The following DSCAM variants were observed in gnomAD, a reference collection of about 807,000 sequenced individuals.
The protein encoded by DSCAM is cell adhesion molecule DSCAM.
DSCAM carries 47 observed loss-of-function variants against 217.7 expected under a neutral mutation model. That is an observed-to-expected ratio of 0.22 (90% confidence interval 0.17 to 0.28). The LOEUF is 0.28. DSCAM is among the 10% of genes least tolerant of loss of function. The probability of loss-of-function intolerance (pLI) is 1.00; values close to 1 mark genes in which losing one functional copy is unlikely to be tolerated. For missense variants in DSCAM, 2,080 were observed against 2,618.3 expected, an observed-to-expected ratio of 0.79 and a Z score of 4.49; for synonymous variants, 1,056 against 1,015.3, an observed-to-expected ratio of 1.04 and a Z score of -0.76.
At chr21:40,398,251 G>A (rs2075200354) in intron 3 of DSCAM, among the ~76,000 whole-genome samples, 1 of 152,146 alleles carries the variant, frequency 6.6e-6, no homozygotes, top group African/African-American at 2.4e-5. Context: ...TGGTTCCTCA[G>A]TTATTCTGAG....
chr21:40,292,804 G>A lies in DSCAM; in HGVS notation c.2182+3251C>T, dbSNP rs181778140. ...GTTGCACAGGCTGGAGTGCAGTGGCGTGATCTCAGCTCACTGTAAGCTCCG... is the reference window on the plus strand; with the variant it reads ...GTTGCACAGGCTGGAGTGCAGTGGCATGATCTCAGCTCACTGTAAGCTCCG... On this transcript the variant is annotated intron_variant, in intron 10 of 32. Coordinates refer to ENST00000400454, the MANE Select transcript of DSCAM (RefSeq NM_001389.5). Among the ~76,000 whole-genome samples the A allele has an allele frequency of 1.2e-3, 175 of 151,882 alleles. 2 individuals are homozygous for A. The highest frequency in any genetic ancestry group is 3.6e-3 in the African/African-American group (150 of 41,408).
chr21:40,653,508 CAAT>C (rs1183177036), intron 3 of DSCAM, among the ~76,000 whole-genome samples: 2 of 152,056 alleles, frequency 1.3e-5, no homozygotes, highest in Non-Finnish European at 1.5e-5. Context: ...CAATCTGACT[CAAT>C]GATGGAAACT....
chr21:40,428,763 T>C (rs1322965564), intron 3 of DSCAM, among the ~76,000 whole-genome samples: 4 of 152,044 alleles, frequency 2.6e-5, no homozygotes, highest in Admixed American at 6.6e-5. Flanking sequence ...GCCCTGGGCA[T>C]AGGCATGTTG....
intron 3 of DSCAM, among the ~76,000 whole-genome samples, chr21:40,688,186 T>C (rs1351562279): frequency 1.3e-5 from 2 of 152,214 alleles, no homozygotes; most frequent in Non-Finnish European, 2.9e-5. Flanking sequence ...AGTAAAATGT[T>C]TGCTTTTTCC....
intron 3 of DSCAM, among the ~76,000 whole-genome samples, chr21:40,621,831 G>A (rs1259541539): frequency 6.9e-6 from 1 of 145,202 alleles, no homozygotes; most frequent in East Asian, 2.1e-4. Flanking sequence ...CAAAGGGATG[G>A]ATCAAGATGA....
intron 3 of DSCAM, among the ~76,000 whole-genome samples, chr21:40,498,777 GTGTGTATATATATATATATATATA>G (rs1310139930): frequency 5.1e-5 from 1 of 19,446 alleles, no homozygotes; most frequent in African/African-American, 2.5e-4. Context: ...ATATATATGG[GTGTGTATATATATATATATATATA>G]TATATATATA....
At chr21:40,719,145 C>G (rs1055725032) in intron 1 of DSCAM, among the ~76,000 whole-genome samples, 2 of 151,972 alleles carry the variant, frequency 1.3e-5, no homozygotes, top group Non-Finnish European at 2.9e-5. Context: ...CACACACACA[C>G]AAGGTGTGAA....
At chr21:40,787,301 A>T (rs541211304) in intron 1 of DSCAM, among the ~76,000 whole-genome samples, 2 of 152,324 alleles carry the variant, frequency 1.3e-5, no homozygotes, top group Admixed American at 6.5e-5. Flanking sequence ...TTGCCGAATG[A>T]TGTGTCCTAA....
In DSCAM at chr21:40,397,998, G is replaced by A. The variant is rs184245402; in HGVS notation, c.509-28753C>T. ...TTCTACCACTACTCTAAGAGCACCC[G>A]GAGCATTACTCCTTGTCAACTTACA... On this transcript the variant is annotated intron_variant, in intron 3 of 32. Transcript: ENST00000400454. Among the ~76,000 whole-genome samples the A allele has an allele frequency of 8.4e-4, 125 of 149,572 alleles. 3 individuals carry two copies. The East Asian group carries it at 0.021, about 25-fold the overall frequency.
At chr21:40,409,509 T>G (rs1009328043) in intron 3 of DSCAM, among the ~76,000 whole-genome samples, 1 of 152,176 alleles carries the variant, frequency 6.6e-6, no homozygotes, top group Non-Finnish European at 1.5e-5. Flanking sequence ...GAAAAAGTAC[T>G]AGAGGAATCC....
At position 40,354,178 on chromosome 21, in the gene DSCAM, A is replaced by G. The variant is rs1449712147; in HGVS notation, c.656-435T>C. 2.6e-5 allele frequency among the ~76,000 whole-genome samples: 4 copies of G among 152,194 alleles called. No individual in the cohort carries two copies. In the East Asian group the frequency reaches 7.7e-4, roughly 29 times the overall value. ...GAATGACTATGGTTTGCAATTATGT[A>G]TTGTATATTTCAAAATAGCTAAAAC... On this transcript the variant is annotated intron_variant, in intron 4 of 32. Coordinates refer to ENST00000400454, the MANE Select transcript of DSCAM (RefSeq NM_001389.5).
Position 40,710,987 on chromosome 21 carries a change from C to T in DSCAM, c.44-2216G>A, listed in dbSNP as rs138608869. On this transcript the variant is annotated intron_variant, in intron 1 of 32. Coordinates refer to ENST00000400454, the MANE Select transcript of DSCAM (RefSeq NM_001389.5). The stretch of plus-strand genomic sequence containing the variant: ...GTAAACAAAGGCTCCACTTTGCAGA[C>T]GGTGACATGGAGATTCACAGGGCTG... Among the ~76,000 whole-genome samples the T allele has an allele frequency of 3.5e-3, 531 of 152,320 alleles. 2 individuals are homozygous for T. The highest frequency in any genetic ancestry group is 0.012 in the African/African-American group (515 of 41,560).
At chr21:40,300,988 C>A (rs924176591) in intron 9 of DSCAM, among the ~76,000 whole-genome samples, 1 of 151,928 alleles carries the variant, frequency 6.6e-6, no homozygotes, top group Admixed American at 6.5e-5. Flanking sequence ...ATTAAAGCAA[C>A]TTTTACTGAT....
At position 40,647,733 on chromosome 21, in the gene DSCAM, T is replaced by C. The variant is rs183596102; in HGVS notation, c.508+45077A>G. ...ACCTTCAAACCTCATCAGATAATAG[T>C]AGCTAATAGCTATTTTTCATTTCAT... On this transcript the variant is annotated intron_variant, in intron 3 of 32. Coordinates refer to ENST00000400454, the MANE Select transcript of DSCAM (RefSeq NM_001389.5). Among the ~76,000 whole-genome samples the C allele has an allele frequency of 1.0e-3, 154 of 152,350 alleles. 1 individual carries two copies. Among genetic ancestry groups the C allele is most frequent in the Middle Eastern group, 3.4e-3 (1 of 294 alleles).
chr21:40,144,457 G>C lies in DSCAM; in HGVS notation c.3259+34C>G, dbSNP rs1466806151. 1 of 1,610,354 alleles carries C rather than the reference G, an allele frequency of 6.2e-7. No homozygotes were observed. The highest frequency in any genetic ancestry group is 8.5e-7 in the Non-Finnish European group (1 of 1,177,334). On this transcript the variant is annotated intron_variant, in intron 17 of 32. Coordinates refer to ENST00000400454, the MANE Select transcript of DSCAM (RefSeq NM_001389.5). This position sits in a 1 kb window ranked among gnomAD's most constrained non-coding sequence, Gnocchi z 4.8. ...CAGACCCGAGGGAACCTTTGCGGAG[G>C]GAAAAGCCACGACCAGGCCCCGGCC...
At chr21:40,363,733 T>A (rs988066759) in intron 4 of DSCAM, among the ~76,000 whole-genome samples, 1 of 151,902 alleles carries the variant, frequency 6.6e-6, no homozygotes, top group Admixed American at 6.6e-5. Flanking sequence ...ACCATCAGAG[T>A]GAACAGGCAA....
chr21:40,200,424 C>T lies in DSCAM; in HGVS notation c.2357-11186G>A, dbSNP rs563946275. Among the ~76,000 whole-genome samples the T allele has an allele frequency of 3.3e-4, 51 of 152,292 alleles. 1 individual carries two copies. Among genetic ancestry groups the T allele is most frequent in the African/African-American group, 1.2e-3 (49 of 41,566 alleles). ...AGTATTTGTCTTTTTGTATCTGGCT[C>T]ATTTTACTTAGCATAATCTCCTCAA... On this transcript the variant is annotated intron_variant, in intron 11 of 32. Coordinates refer to ENST00000400454, the MANE Select transcript of DSCAM (RefSeq NM_001389.5).
intron 3 of DSCAM, among the ~76,000 whole-genome samples, chr21:40,547,212 C>A (rs1482424777): frequency 6.6e-6 from 1 of 152,162 alleles, no homozygotes; most frequent in Non-Finnish European, 1.5e-5. Context: ...GCCTGCTAAC[C>A]TTTCTAGAAT....
At chr21:40,502,365 T>C (rs1264280088) in intron 3 of DSCAM, among the ~76,000 whole-genome samples, 1 of 152,096 alleles carries the variant, frequency 6.6e-6, no homozygotes, top group African/African-American at 2.4e-5. Context: ...ACTGTATTAG[T>C]TTACTATTGC....
Sources: allele counts gnomAD v4.1 joint callset (sites outside exome capture counted in the v4.1 genomes callset), GRCh38; gene constraint gnomAD v4.1.1; non-coding constraint Gnocchi (gnomAD v3.1); transcripts MANE v1.5; gene names NCBI Gene and HGNC (gene_info 2026-07-23, HGNC 2026-07-21).